RGS6: variants seen among roughly 807,000 people sequenced by gnomAD.
RGS6 encodes regulator of G-protein signaling 6.
RGS6 carries 30 observed loss-of-function variants against 78.5 expected under a neutral mutation model. That is an observed-to-expected ratio of 0.38 (90% CI 0.29 to 0.52). The LOEUF (loss-of-function observed/expected upper bound fraction) is 0.52. Ranked by LOEUF, RGS6 falls within the 20% of genes least tolerant of loss-of-function variation. The pLI is 0.85. For synonymous variants in RGS6, 206 were observed against 206.0 expected (o/e 1.00, Z 0.00); for missense variants, 495 against 609.7 (o/e 0.81, Z 1.98).
chr14:72,465,956 T>C (rs1436415033), intron 7 of RGS6, 134 bp downstream of exon 7: 1 of 625,060 alleles, frequency 1.6e-6, no homozygotes, highest in Non-Finnish European at 2.7e-6. Context: ...GTATCTTCTA[T>C]TTCTCCTCCC....
At chr14:72,073,420 ATC>A (rs1332746827) in intron 2 of RGS6, among the ~76,000 whole-genome samples, 1 of 152,192 alleles carries the variant, frequency 6.6e-6, no homozygotes, top group Non-Finnish European at 1.5e-5. Context: ...ACTGAGAGAA[ATC>A]TAGGTTATAC....
chr14:72,247,574 G>A (rs780733533), intron 2 of RGS6, among the ~76,000 whole-genome samples: 10 of 152,184 alleles, frequency 6.6e-5, no homozygotes, highest in Admixed American at 1.3e-4. Flanking sequence ...GGTTTCACCC[G>A]TAAAATACTG....
the RGS6 span, among the ~76,000 whole-genome samples, chr14:72,573,352 T>C: frequency 6.6e-6 from 1 of 152,190 alleles, no homozygotes; most frequent in Admixed American, 6.5e-5. Context: ...GGTTCACCAC[T>C]AGTAGTGTGG....
chr14:71,936,932 C>A (rs2089532172), intron 1 of RGS6, among the ~76,000 whole-genome samples: 1 of 152,324 alleles, frequency 6.6e-6, no homozygotes, highest in South Asian at 2.1e-4. Flanking sequence ...TCAGCAGGTT[C>A]TTTTCCCTGG....
rs2096541153 is a variant in RGS6, at chr14:72,489,162, C to A, written c.855-5990C>A. Reference sequence around the variant, plus strand: ...TCCTGGGAGGACAAAGGGGGCCCCCCCACCGGCTGTTTGCTCATCTCAGAT... The same window carrying A: ...TCCTGGGAGGACAAAGGGGGCCCCCACACCGGCTGTTTGCTCATCTCAGAT... On this transcript the variant is annotated intron_variant, in intron 12 of 17. Transcript: ENST00000553525. Among the ~76,000 whole-genome samples, 5 of 150,216 alleles carry A rather than the reference C, an allele frequency of 3.3e-5. No homozygotes were observed. In the South Asian group the frequency reaches 1.1e-3, roughly 33 times the overall value.
intron 3 of RGS6, among the ~76,000 whole-genome samples, chr14:72,397,025 C>T (rs58004610): frequency 1.4e-4 from 22 of 152,274 alleles, no homozygotes; most frequent in East Asian, 1.3e-3. Flanking sequence ...CTTGGCAATG[C>T]GGGCTCTTTT....
At chr14:72,467,945 A>C (rs974736223) in intron 7 of RGS6, among the ~76,000 whole-genome samples, 15 of 152,158 alleles carry the variant, frequency 9.9e-5, no homozygotes, top group Non-Finnish European at 1.9e-4. Context: ...CAGACAGTAG[A>C]AGCCTGGGGC....
chr14:72,629,855 G>A, the RGS6 span: 5,682 of 839,286 alleles, frequency 6.8e-3, 219 homozygotes, highest in African/African-American at 0.083. Context: ...GCATGACGTA[G>A]GGAAAAAAAT....
At chr14:72,581,461 T>G in the RGS6 span, among the ~76,000 whole-genome samples, 1 of 152,072 alleles carries the variant, frequency 6.6e-6, no homozygotes, top group African/African-American at 2.4e-5. Flanking sequence ...AATCCAGCCC[T>G]CTTCAATCTA....
At chr14:72,227,408 TG>T (rs1264017912) in intron 2 of RGS6, among the ~76,000 whole-genome samples, 1 of 152,170 alleles carries the variant, frequency 6.6e-6, no homozygotes, top group Non-Finnish European at 1.5e-5. Context: ...CACCACTGCA[TG>T]GGGCTTGGAA....
intron 2 of RGS6, among the ~76,000 whole-genome samples, chr14:72,054,999 A>G (rs541046802): frequency 7.9e-5 from 12 of 152,314 alleles, no homozygotes; most frequent in African/African-American, 2.2e-4. Flanking sequence ...AAATGTTAGT[A>G]TAGGTTATAC....
intron 2 of RGS6, among the ~76,000 whole-genome samples, chr14:72,055,038 G>A (rs376969174): frequency 6.6e-6 from 1 of 152,162 alleles, no homozygotes; most frequent in Admixed American, 6.5e-5. Flanking sequence ...ATGTCATTGG[G>A]CATTCAGGGT....
rs1226067882 is a variant in RGS6 at position 72,541,035 on chromosome 14, A to C, written c.1422+941A>C. 2.3e-6 allele frequency: 3 copies of C among 1,316,034 alleles called. No homozygotes were observed. The East Asian group carries it at 1.5e-4, about 65-fold the overall frequency. The allele number at this position is 1,316,034 out of a possible 1,614,324, so 81.5% of individuals were successfully genotyped here. ...AAGATTTGAACATTGAGCTCAGTGC[A>C]CAAGAAATACTCAATCCCGCTCAAT... On this transcript the variant is annotated intron_variant, in intron 17 of 17. Transcript: ENST00000553525.
intron 15 of RGS6, 138 bp downstream of exon 15, chr14:72,518,675 C>A: frequency 1.3e-6 from 1 of 791,178 alleles, no homozygotes; most frequent in Non-Finnish European, 2.0e-6. Context: ...CAGTGGAAAC[C>A]ATTTCAGATA....
At chr14:72,007,032 AAAAG>A (rs1191742823) in intron 2 of RGS6, among the ~76,000 whole-genome samples, 1 of 152,166 alleles carries the variant, frequency 6.6e-6, no homozygotes, top group Admixed American at 6.5e-5. Context: ...AGTGGCAAAA[AAAAG>A]AAAGAAAAAT....
At chr14:72,247,534 A>G (rs1424462007) in intron 2 of RGS6, among the ~76,000 whole-genome samples, 1 of 152,252 alleles carries the variant, frequency 6.6e-6, no homozygotes, top group Admixed American at 6.5e-5. Flanking sequence ...AAGGAGAGAT[A>G]GGTGAAATCA....
chr14:72,152,520 G>T (rs1470177365), intron 2 of RGS6, among the ~76,000 whole-genome samples: 1 of 152,152 alleles, frequency 6.6e-6, no homozygotes, highest in South Asian at 2.1e-4. Flanking sequence ...TAGGGTTTCT[G>T]GCTTCCTGTG....
intron 3 of RGS6, among the ~76,000 whole-genome samples, chr14:72,431,397 G>C (rs2094628598): frequency 1.3e-5 from 2 of 152,138 alleles, no homozygotes; most frequent in African/African-American, 4.8e-5. Flanking sequence ...CCATTGTCCA[G>C]GCTGGAATGC....
chr14:71,998,657 T>C (rs1033947549), intron 2 of RGS6, among the ~76,000 whole-genome samples: 1 of 152,216 alleles, frequency 6.6e-6, no homozygotes, highest in Non-Finnish European at 1.5e-5. Flanking sequence ...ACTTCCACCT[T>C]CTAGAACTCC....
Sources: allele counts gnomAD v4.1 joint callset (sites outside exome capture counted in the v4.1 genomes callset), GRCh38; gene constraint gnomAD v4.1.1; transcripts MANE v1.5; gene names NCBI Gene and HGNC (gene_info 2026-07-23, HGNC 2026-07-21).